The following RPAP3 variants were observed in gnomAD, a reference collection of about 807,000 sequenced individuals.
RPAP3 encodes the protein RNA polymerase II associated protein 3.
A neutral mutation model predicts 88.8 loss-of-function variants in RPAP3; 58 were observed. The observed-to-expected ratio is 0.65, with a 90% CI of 0.53 to 0.81. The LOEUF (loss-of-function observed/expected upper bound fraction) is 0.81. Ranked by LOEUF, RPAP3 falls within the 40% of genes least tolerant of loss-of-function variation. The pLI, the probability that RPAP3 is intolerant of heterozygous loss-of-function variation, is 0.00. For missense variants in RPAP3, 751 were observed against 764.3 expected (o/e 0.98, Z 0.20); for synonymous variants, 255 against 259.9 (o/e 0.98, Z 0.18).
chr12:47,691,266 C>G (rs892535679), intron 5 of RPAP3, among the ~76,000 whole-genome samples: 2 of 152,192 alleles, frequency 1.3e-5, no homozygotes, highest in Admixed American at 1.3e-4. Context: ...AGAATAAATT[C>G]TATCTCAAGA....
intron 1 of RPAP3, among the ~76,000 whole-genome samples, chr12:47,703,443 C>T (rs894469348): frequency 2.6e-5 from 4 of 152,212 alleles, no homozygotes; most frequent in Admixed American, 1.3e-4. Flanking sequence ...AGGATTATCC[C>T]TTCCTCTCAT....
intron 12 of RPAP3, among the ~76,000 whole-genome samples, chr12:47,675,255 C>T (rs907347514): frequency 2.0e-5 from 3 of 152,150 alleles, no homozygotes; most frequent in Admixed American, 2.0e-4. Context: ...AAGCACTAAA[C>T]ATGGAAAGAA....
At chr12:47,687,789 G>A (rs1208363192) in intron 8 of RPAP3, 87 bp downstream of exon 8, 24 of 1,424,452 alleles carry the variant, frequency 1.7e-5, no homozygotes, top group Non-Finnish European at 9.4e-7. Context: ...TTTAATATTA[G>A]AGAAGAAAGA....
intron 15 of RPAP3, 105 bp downstream of exon 15, chr12:47,667,649 T>C: frequency 1.6e-6 from 1 of 619,838 alleles, no homozygotes; most frequent in Non-Finnish European, 2.8e-6. Flanking sequence ...AAACAAGACT[T>C]ATGTTCCTAT....
At chr12:47,705,278 G>A (rs962501422) in intron 1 of RPAP3, among the ~76,000 whole-genome samples, 2 of 152,196 alleles carry the variant, frequency 1.3e-5, no homozygotes, top group African/African-American at 4.8e-5. Context: ...AGGGACAGTT[G>A]CAGATGCAGA....
Position 47,662,422 on chromosome 12 carries a change from TCAAA to T in RPAP3, c.*1079_*1082del, listed in dbSNP as rs1355114850. Reference sequence around the variant, plus strand: ...TTTGTAAATAAATTATGATTACTTCTCAAACAATTCATAAGAATAGTAATATGTA... The same window carrying T: ...TTTGTAAATAAATTATGATTACTTCTCAATTCATAAGAATAGTAATATGTA... On this transcript the variant is annotated 3_prime_UTR_variant, in exon 17 of 17. Transcript: ENST00000005386. 1.3e-5 allele frequency: 2 copies of T among 152,192 alleles called. No individual in the cohort carries two copies. Among genetic ancestry groups the T allele is most frequent in the African/African-American group, 4.8e-5 (2 of 41,444 alleles). The allele number at this position is 152,192 out of a possible 1,614,324, so 9.4% of individuals were successfully genotyped here.
chr12:47,664,492 T>C (rs1565711421), intron 16 of RPAP3: 2 of 152,218 alleles, frequency 1.3e-5, no homozygotes, highest in African/African-American at 4.8e-5. Flanking sequence ...CTGTTTATAG[T>C]TCATGCTTCT....
chr12:47,666,513 G>C (rs1450611712), intron 16 of RPAP3, among the ~76,000 whole-genome samples: 1 of 152,160 alleles, frequency 6.6e-6, no homozygotes, highest in Non-Finnish European at 1.5e-5. Context: ...TCTCAGAATG[G>C]ATCAGACCTT....
At chr12:47,680,975 A>AAC (rs1939211960) in intron 10 of RPAP3, among the ~76,000 whole-genome samples, 1 of 149,786 alleles carries the variant, frequency 6.7e-6, no homozygotes, top group African/African-American at 2.4e-5. Context: ...AAACGAAACA[A>AAC]AAAAAAAAAA....
intron 10 of RPAP3, 59 bp from the exon 11 acceptor site, chr12:47,679,833 G>T: frequency 1.7e-6 from 2 of 1,171,520 alleles, no homozygotes; most frequent in South Asian, 1.3e-5. Flanking sequence ...TTTCATATTC[G>T]CATGTATATT....
chr12:47,681,901 G>A, intron 9 of RPAP3, 84 bp from the exon 10 acceptor site: 1 of 1,310,466 alleles, frequency 7.6e-7, no homozygotes, highest in African/African-American at 1.5e-5. Context: ...AATTTAAAAA[G>A]CTTGTATATA....
chr12:47,667,386 T>C (rs1254335960), intron 15 of RPAP3, among the ~76,000 whole-genome samples: 1 of 152,214 alleles, frequency 6.6e-6, no homozygotes, highest in African/African-American at 2.4e-5. Flanking sequence ...TCCCTTTTTA[T>C]TGTCTGTACT....
chr12:47,676,275 T>C (rs955153779), intron 12 of RPAP3, among the ~76,000 whole-genome samples: 2 of 152,188 alleles, frequency 1.3e-5, no homozygotes, highest in Non-Finnish European at 2.9e-5. Flanking sequence ...TAACACTAAA[T>C]GCCCACAAGA....
chr12:47,697,566 T>TG, intron 4 of RPAP3, 31 bp downstream of exon 4: 2 of 1,573,590 alleles, frequency 1.3e-6, no homozygotes. Context: ...CCTGCTTACA[T>TG]GAAAAAAAAC....
At chr12:47,702,629 T>G in intron 2 of RPAP3, 59 bp downstream of exon 2, 2 of 1,322,604 alleles carry the variant, frequency 1.5e-6, no homozygotes, top group Middle Eastern at 4.4e-4. Context: ...TTTTAAAAGT[T>G]ATGCTTTATT....
In RPAP3 at chr12:47,675,994, A is replaced by C. The variant is rs139579185; in HGVS notation, c.1287+3499T>G. Among the ~76,000 whole-genome samples, 545 of 152,350 alleles carry C rather than the reference A, an allele frequency of 3.6e-3. 3 individuals are homozygous for C. Among genetic ancestry groups the C allele is most frequent in the African/African-American group, 0.012 (505 of 41,578 alleles). On this transcript the variant is annotated intron_variant, in intron 12 of 16. Coordinates refer to ENST00000005386, the MANE Select transcript of RPAP3 (RefSeq NM_024604.3). ...TTCCAAAATTGACCACACAATTGGAAGTAAAGCACTCCTCAGCAAATGTGA... is the reference window on the plus strand; with the variant it reads ...TTCCAAAATTGACCACACAATTGGACGTAAAGCACTCCTCAGCAAATGTGA...
At chr12:47,704,868 C>T (rs1009647362) in intron 1 of RPAP3, among the ~76,000 whole-genome samples, 1 of 151,848 alleles carries the variant, frequency 6.6e-6, no homozygotes, top group Admixed American at 6.6e-5. Flanking sequence ...CAAAAATTAG[C>T]CAGGCGTGGT....
intron 12 of RPAP3, among the ~76,000 whole-genome samples, chr12:47,670,588 C>T (rs1938977820): frequency 6.6e-6 from 1 of 152,062 alleles, no homozygotes; most frequent in Non-Finnish European, 1.5e-5. Flanking sequence ...AGGCCATGGT[C>T]ATGTTTAAGA....
At chr12:47,676,284 G>C (rs1191826830) in intron 12 of RPAP3, among the ~76,000 whole-genome samples, 3 of 152,134 alleles carry the variant, frequency 2.0e-5, no homozygotes, top group African/African-American at 4.8e-5. Flanking sequence ...ATGCCCACAA[G>C]AGAAACCAGG....
Sources: allele counts gnomAD v4.1 joint callset (sites outside exome capture counted in the v4.1 genomes callset), GRCh38; gene constraint gnomAD v4.1.1; transcripts MANE v1.5; gene names NCBI Gene and HGNC (gene_info 2026-07-23, HGNC 2026-07-21).